Variants in AKAP19 observed in about 807,000 individuals in gnomAD.
AKAP19 encodes small A-kinase anchoring protein.
At chr2:189,978,007 C>A in the AKAP19 span, among the ~76,000 whole-genome samples, 2 of 152,256 alleles carry the variant, frequency 1.3e-5, no homozygotes, top group Non-Finnish European at 2.9e-5. Flanking sequence ...GAAGATTTTG[C>A]CTAATCATAG....
the AKAP19 span, among the ~76,000 whole-genome samples, chr2:190,141,423 A>C: frequency 6.6e-6 from 1 of 152,202 alleles, no homozygotes; most frequent in African/African-American, 2.4e-5. Context: ...TAAAGAAAAG[A>C]GGTTTAATTG....
the AKAP19 span, among the ~76,000 whole-genome samples, chr2:189,954,163 T>G: frequency 3.9e-5 from 6 of 152,210 alleles, no homozygotes; most frequent in African/African-American, 1.4e-4. Flanking sequence ...CAAGTCTTTT[T>G]TCTTACCCTG....
chr2:189,987,541 A>G, the AKAP19 span, among the ~76,000 whole-genome samples: 5 of 152,350 alleles, frequency 3.3e-5, no homozygotes, highest in East Asian at 1.9e-4. Flanking sequence ...GAAGTGGGCT[A>G]TTAAAATAGT....
At chr2:190,101,354 T>A in the AKAP19 span, among the ~76,000 whole-genome samples, 1 of 152,172 alleles carries the variant, frequency 6.6e-6, no homozygotes, top group African/African-American at 2.4e-5. Context: ...CAGGACCAGC[T>A]CGGTAACCTG....
the AKAP19 span, among the ~76,000 whole-genome samples, chr2:189,937,619 T>C: frequency 6.6e-6 from 1 of 152,198 alleles, no homozygotes; most frequent in African/African-American, 2.4e-5. Flanking sequence ...GAATAGAATC[T>C]GAAAAGAAGA....
At chr2:190,014,146 C>A in the AKAP19 span, among the ~76,000 whole-genome samples, 2 of 152,094 alleles carry the variant, frequency 1.3e-5, no homozygotes, top group Admixed American at 1.3e-4. Context: ...TTCAAAAATT[C>A]TTTTTATTTC....
chr2:190,116,056 A>G, the AKAP19 span, among the ~76,000 whole-genome samples: 8 of 152,248 alleles, frequency 5.3e-5, no homozygotes, highest in African/African-American at 1.9e-4. Flanking sequence ...CAAACTTTCA[A>G]CATTAAATAG....
the AKAP19 span, among the ~76,000 whole-genome samples, chr2:189,892,131 T>C: frequency 4.1e-4 from 63 of 152,170 alleles, no homozygotes; most frequent in African/African-American, 1.5e-3. Flanking sequence ...TAGCAATTCC[T>C]ATAACCTTTT....
the AKAP19 span, among the ~76,000 whole-genome samples, chr2:189,982,929 A>C: frequency 6.6e-6 from 1 of 152,116 alleles, no homozygotes. Context: ...ACTAGCATTA[A>C]GCGCCTCTGA....
At chr2:189,926,048 TTAATC>T in the AKAP19 span, among the ~76,000 whole-genome samples, 2 of 152,236 alleles carry the variant, frequency 1.3e-5, no homozygotes, top group Admixed American at 1.3e-4. Flanking sequence ...TGATTTGAAA[TTAATC>T]TAGATACTTT....
chr2:189,926,108 G>A, the AKAP19 span, among the ~76,000 whole-genome samples: 3 of 152,036 alleles, frequency 2.0e-5, no homozygotes. Flanking sequence ...CATTATCATT[G>A]ATATTCGGTT....
At chr2:190,012,570 C>G in the AKAP19 span, among the ~76,000 whole-genome samples, 3 of 152,116 alleles carry the variant, frequency 2.0e-5, no homozygotes, top group African/African-American at 7.2e-5. Flanking sequence ...GTGACAGTTT[C>G]ACCTCTGCCT....
chr2:189,966,605 G>A, the AKAP19 span, among the ~76,000 whole-genome samples: 7 of 152,318 alleles, frequency 4.6e-5, no homozygotes, highest in East Asian at 7.7e-4. Context: ...CAACTGTTCT[G>A]TAACCTGATT....
chr2:190,002,901 G>A, the AKAP19 span, among the ~76,000 whole-genome samples: 3 of 151,690 alleles, frequency 2.0e-5, no homozygotes, highest in Admixed American at 1.3e-4. Flanking sequence ...TTTTAGTTGC[G>A]CTATTTTTAT....
the AKAP19 span, among the ~76,000 whole-genome samples, chr2:189,941,035 G>A: frequency 6.6e-6 from 1 of 152,122 alleles, no homozygotes; most frequent in South Asian, 2.1e-4. Flanking sequence ...CATAAAGGAG[G>A]TTTAATTCAT....
the AKAP19 span, among the ~76,000 whole-genome samples, chr2:190,048,883 C>A: frequency 6.6e-6 from 1 of 152,122 alleles, no homozygotes; most frequent in Non-Finnish European, 1.5e-5. Flanking sequence ...TCTTCCTTCA[C>A]ACTTATGACA....
chr2:189,884,464 A>G, the AKAP19 span, among the ~76,000 whole-genome samples: 5 of 152,118 alleles, frequency 3.3e-5, no homozygotes, highest in African/African-American at 7.2e-5. Flanking sequence ...TAGTTTTCTT[A>G]GTCAATAGCT....
the AKAP19 span, among the ~76,000 whole-genome samples, chr2:190,198,582 T>C: frequency 7.3e-6 from 1 of 136,512 alleles, no homozygotes; most frequent in Non-Finnish European, 1.5e-5. Context: ...CAGTGAGCCG[T>C]GATTGCATCC....
chr2:190,039,411 C>T, the AKAP19 span, among the ~76,000 whole-genome samples: 2 of 152,146 alleles, frequency 1.3e-5, no homozygotes, highest in Admixed American at 6.5e-5. Flanking sequence ...CAAATACATT[C>T]TTTTACCACC....
Sources: allele counts gnomAD v4.1 joint callset (sites outside exome capture counted in the v4.1 genomes callset), GRCh38; gene constraint gnomAD v4.1.1; transcripts MANE v1.5; gene names NCBI Gene and HGNC (gene_info 2026-07-23, HGNC 2026-07-21).